Variants in SYTL5 observed in about 807,000 individuals in gnomAD.
SYTL5 encodes synaptotagmin-like protein 5.
A neutral mutation model predicts 55.9 loss-of-function variants in SYTL5; 34 were observed. The observed-to-expected ratio is 0.61, with a 90% confidence interval of 0.46 to 0.81. SYTL5 has a LOEUF of 0.81. Among genes scored for constraint, SYTL5 ranks in the 30% least tolerant of loss-of-function variants. The pLI is 0.00. For synonymous variants in SYTL5, 221 were observed against 188.7 expected, an observed-to-expected ratio of 1.17 and a Z score of -1.40; for missense variants, 637 against 546.7, an observed-to-expected ratio of 1.17 and a Z score of -1.65.
At chrX:37,902,842 A>T in the SYTL5 span, among the ~76,000 whole-genome samples, 291 of 111,874 alleles carry the variant, frequency 2.6e-3, no homozygotes, top group Middle Eastern at 0.014. Context: ...GAACTCTTTT[A>T]ACTCTGGAAC....
chrX:37,904,344 T>C, the SYTL5 span, among the ~76,000 whole-genome samples: 1 of 101,145 alleles, frequency 9.9e-6, no homozygotes, highest in African/African-American at 3.7e-5. Context: ...AAATAGGGCA[T>C]TGGGAGAGAA....
At chrX:38,068,161 C>A (rs996824536) in intron 3 of SYTL5, among the ~76,000 whole-genome samples, 5 of 111,892 alleles carry the variant, frequency 4.5e-5, no homozygotes, top group Admixed American at 3.8e-4. Context: ...AAGGAGCTAA[C>A]AAGCATATGA....
At chrX:38,023,822 T>G (rs1934653276) in intron 1 of SYTL5, 1 of 110,772 alleles carries the variant, frequency 9.0e-6, no homozygotes, top group Non-Finnish European at 1.9e-5. Context: ...TTAGCCAGCA[T>G]TTTTAAAGGT....
the SYTL5 span, among the ~76,000 whole-genome samples, chrX:37,905,374 G>T: frequency 9.5e-6 from 1 of 104,863 alleles, no homozygotes; most frequent in African/African-American, 3.5e-5. Context: ...AACTGTGGGA[G>T]GTTTGGGCAT....
chrX:38,000,273 C>T, the SYTL5 span, among the ~76,000 whole-genome samples: 1 of 112,432 alleles, frequency 8.9e-6, no homozygotes, highest in South Asian at 3.7e-4. Flanking sequence ...GAAATTCTGA[C>T]TCTATCCACT....
At chrX:38,083,207 C>T (rs750399055) in intron 6 of SYTL5, among the ~76,000 whole-genome samples, 16 of 111,100 alleles carry the variant, frequency 1.4e-4, no homozygotes, top group Non-Finnish European at 2.6e-4. Context: ...AGAAATAAGA[C>T]ATTTGATCAG....
the SYTL5 span, among the ~76,000 whole-genome samples, chrX:37,989,791 A>T: frequency 1.5e-3 from 163 of 111,718 alleles, 1 homozygote; most frequent in Admixed American, 0.013. Flanking sequence ...AGAAATACAC[A>T]TCTGGGCTTA....
chrX:38,036,535 A>C (rs1935113115), intron 2 of SYTL5, among the ~76,000 whole-genome samples: 1 of 111,650 alleles, frequency 9.0e-6, no homozygotes, highest in Non-Finnish European at 1.9e-5. Flanking sequence ...ACTTTTACAG[A>C]AAAGAGATTT....
chrX:38,012,112 T>A (rs1324451436), intron 1 of SYTL5, among the ~76,000 whole-genome samples: 1 of 112,195 alleles, frequency 8.9e-6, no homozygotes, highest in African/African-American at 3.2e-5. Flanking sequence ...CTAATTTGAT[T>A]TAATATTTCT....
the SYTL5 span, chrX:37,991,356 T>G: frequency 3.3e-6 from 3 of 903,431 alleles, no homozygotes; most frequent in Non-Finnish European, 4.5e-6. Flanking sequence ...CTTTGGGTTG[T>G]AGGTGTCTGT....
chrX:37,963,354 T>A, the SYTL5 span, among the ~76,000 whole-genome samples: 3 of 107,109 alleles, frequency 2.8e-5, no homozygotes, highest in Admixed American at 2.0e-4. Flanking sequence ...AGTGGCGTGA[T>A]CTCAGCTCAC....
intron 5 of SYTL5, 65 bp downstream of exon 5, chrX:38,073,763 C>T (rs913329739): frequency 1.0e-5 from 8 of 795,343 alleles, no homozygotes; most frequent in Non-Finnish European, 1.4e-5. Flanking sequence ...AATGAAGACT[C>T]CTTAATTTTT....
rs1934381348 is a variant in SYTL5, at chrX:38,017,139, C to G, written c.-357+10471C>G. 3.6e-5 allele frequency among the ~76,000 whole-genome samples: 4 copies of G among 111,652 alleles called. No homozygotes were observed. In the Admixed American group the frequency reaches 3.8e-4, roughly 11 times the overall value. On this transcript the variant is annotated intron_variant, in intron 1 of 16. Coordinates refer to ENST00000297875, the MANE Select transcript of SYTL5 (RefSeq NM_138780.3). ...GCCCATTCTCAAAACCCACTTCCTTCTTCCAACCAATGCCCATTGCTACAA... is the reference window on the plus strand; with the variant it reads ...GCCCATTCTCAAAACCCACTTCCTTGTTCCAACCAATGCCCATTGCTACAA...
At chrX:38,074,938 A>T (rs1395281976) in intron 5 of SYTL5, among the ~76,000 whole-genome samples, 2 of 110,824 alleles carry the variant, frequency 1.8e-5, no homozygotes, top group Admixed American at 9.7e-5. Flanking sequence ...ACACACATGC[A>T]CACACTTAAT....
At chrX:37,908,732 C>CTG in the SYTL5 span, among the ~76,000 whole-genome samples, 4,578 of 108,941 alleles carry the variant, frequency 0.042, 258 homozygotes, top group African/African-American at 0.14. Flanking sequence ...TGCACCTTGC[C>CTG]TGTGTGTGTG....
chrX:37,901,739 G>A, the SYTL5 span, among the ~76,000 whole-genome samples: 1 of 111,961 alleles, frequency 8.9e-6, no homozygotes, highest in African/African-American at 3.2e-5. Context: ...AAATGAAAGA[G>A]TTGAGTATTG....
At chrX:38,078,225 T>C (rs1042925431) in intron 6 of SYTL5, among the ~76,000 whole-genome samples, 3 of 108,876 alleles carry the variant, frequency 2.8e-5, no homozygotes, top group Non-Finnish European at 5.7e-5. Flanking sequence ...AGGCAATATA[T>C]ACAAAAAGAG....
chrX:38,049,623 G>A (rs755357935), intron 2 of SYTL5, among the ~76,000 whole-genome samples: 5 of 111,454 alleles, frequency 4.5e-5, no homozygotes, highest in South Asian at 7.6e-4. Flanking sequence ...AAGGTATATC[G>A]TTTCTGATTA....
chrX:38,113,155 A>G (rs1465204145), intron 13 of SYTL5, among the ~76,000 whole-genome samples: 1 of 112,186 alleles, frequency 8.9e-6, no homozygotes, highest in Non-Finnish European at 1.9e-5. Context: ...GTTTCACAGT[A>G]TAACTTCCAT....
Sources: allele counts gnomAD v4.1 joint callset (sites outside exome capture counted in the v4.1 genomes callset), GRCh38; gene constraint gnomAD v4.1.1; transcripts MANE v1.5; gene names NCBI Gene and HGNC (gene_info 2026-07-23, HGNC 2026-07-21).